The following SLC44A5 variants were observed in gnomAD, a reference collection of about 807,000 sequenced individuals.
The protein encoded by SLC44A5 is solute carrier family 44 member 5.
Under a neutral mutation model 101.8 loss-of-function variants are expected in SLC44A5, and 57 were observed. The ratio of observed to expected loss-of-function variants is 0.56; its 90% confidence interval spans 0.45 to 0.70. The LOEUF (loss-of-function observed/expected upper bound fraction) is 0.70. Among genes scored for constraint, SLC44A5 ranks in the 30% least tolerant of loss-of-function variants. SLC44A5 has a pLI of 0.00. For missense variants in SLC44A5, 737 were observed against 853.1 expected (o/e 0.86, Z 1.70); for synonymous variants, 281 against 290.9 (o/e 0.97, Z 0.35).
intron 1 of SLC44A5, among the ~76,000 whole-genome samples, chr1:75,568,784 A>C (rs1319469041): frequency 6.6e-6 from 1 of 152,150 alleles, no homozygotes; most frequent in Non-Finnish European, 1.5e-5. Flanking sequence ...CCTAAAGCAC[A>C]ACGTTTTCTC....
chr1:75,592,280 C>G (rs961521454), intron 1 of SLC44A5, among the ~76,000 whole-genome samples: 1 of 151,858 alleles, frequency 6.6e-6, no homozygotes, highest in Non-Finnish European at 1.5e-5. Context: ...ATAATAGCCA[C>G]ACATAAAATT....
chr1:75,429,774 T>A (rs1047926882), intron 2 of SLC44A5, among the ~76,000 whole-genome samples: 18 of 151,892 alleles, frequency 1.2e-4, no homozygotes, highest in Admixed American at 9.8e-4. Context: ...GAACTCAGAG[T>A]GAGAACTCAC....
At chr1:75,312,629 C>A (rs1655395411) in intron 4 of SLC44A5, among the ~76,000 whole-genome samples, 2 of 151,604 alleles carry the variant, frequency 1.3e-5, no homozygotes, top group Non-Finnish European at 2.9e-5. Flanking sequence ...CACTCCAGAA[C>A]TATGTGCCAA....
chr1:75,705,559 T>A, the SLC44A5 span, among the ~76,000 whole-genome samples: 2 of 152,224 alleles, frequency 1.3e-5, no homozygotes, highest in Non-Finnish European at 2.9e-5. Flanking sequence ...CTGATTTTTT[T>A]AAATATTCAC....
At chr1:75,509,083 G>A (rs1669425882) in intron 2 of SLC44A5, among the ~76,000 whole-genome samples, 1 of 152,220 alleles carries the variant, frequency 6.6e-6, no homozygotes, top group Admixed American at 6.5e-5. Flanking sequence ...ACTGGCATGG[G>A]CCTTCAGAAG....
the SLC44A5 span, among the ~76,000 whole-genome samples, chr1:75,680,301 G>A: frequency 6.6e-6 from 1 of 151,754 alleles, no homozygotes; most frequent in South Asian, 2.1e-4. Flanking sequence ...CAAATCAACA[G>A]AATATACATT....
chr1:75,641,752 G>C, the SLC44A5 span: 6 of 1,581,232 alleles, frequency 3.8e-6, no homozygotes, highest in Non-Finnish European at 5.2e-6. Flanking sequence ...GTTTTGCATA[G>C]GCAACCACTT....
chr1:75,388,618 A>T (rs1452240450), intron 3 of SLC44A5, among the ~76,000 whole-genome samples: 2 of 152,068 alleles, frequency 1.3e-5, no homozygotes, highest in Admixed American at 6.5e-5. Flanking sequence ...GTCTCTACTA[A>T]TAATACAAAA....
the SLC44A5 span, among the ~76,000 whole-genome samples, chr1:75,646,570 C>A: frequency 6.6e-6 from 1 of 152,070 alleles, no homozygotes; most frequent in African/African-American, 2.4e-5. Context: ...TTGTAATCCC[C>A]ACATGTTGCA....
intron 1 of SLC44A5, among the ~76,000 whole-genome samples, chr1:75,553,249 C>A (rs1296139775): frequency 1.3e-5 from 2 of 152,148 alleles, no homozygotes; most frequent in Admixed American, 1.3e-4. Context: ...GGGAGCCAGC[C>A]ACTATGCTAG....
At chr1:75,306,682 G>A (rs903869745) in intron 4 of SLC44A5, among the ~76,000 whole-genome samples, 1 of 150,644 alleles carries the variant, frequency 6.6e-6, no homozygotes, top group African/African-American at 2.4e-5. Flanking sequence ...TCCTTTTCAG[G>A]GACAGCTTTC....
the SLC44A5 span, among the ~76,000 whole-genome samples, chr1:75,718,076 G>A: frequency 6.6e-5 from 10 of 152,140 alleles, no homozygotes; most frequent in South Asian, 2.1e-4. Flanking sequence ...ATAGGATTAT[G>A]AAAGTTAAAA....
In SLC44A5 at chr1:75,219,773, T is replaced by A. The variant is rs546426768; in HGVS notation, c.1178+27A>T. The A allele has an allele frequency of 3.0e-5, 45 of 1,507,196 alleles. No homozygotes were observed. The East Asian group carries it at 1.0e-3, about 33-fold the overall frequency. The allele number at this position is 1,507,196 out of a possible 1,614,324, so 93.4% of individuals were successfully genotyped here. A position where few individuals can be genotyped will look rare whatever the true frequency, so the allele number is the denominator to read the frequency against. On this transcript the variant is annotated intron_variant, in intron 15 of 23. Transcript: ENST00000370859. ...ACGAGTAGTCATGTGAACCTGAGGT[T>A]TAAAGAGGCCAATTACCAAAGGATA...
At chr1:75,221,453 G>A (rs1385096326) in intron 14 of SLC44A5, among the ~76,000 whole-genome samples, 1 of 152,120 alleles carries the variant, frequency 6.6e-6, no homozygotes, top group Non-Finnish European at 1.5e-5. Flanking sequence ...GAAAGATTTA[G>A]TGTTTATTTT....
At chr1:75,635,654 T>G in the SLC44A5 span, among the ~76,000 whole-genome samples, 2 of 71,968 alleles carry the variant, frequency 2.8e-5, no homozygotes, top group Non-Finnish European at 5.2e-5. Flanking sequence ...TGGGGACTGT[T>G]GTGGGGTGGG....
intron 3 of SLC44A5, among the ~76,000 whole-genome samples, chr1:75,356,939 A>G (rs762528335): frequency 1.1e-4 from 17 of 152,230 alleles, no homozygotes; most frequent in Non-Finnish European, 2.4e-4. Context: ...CTAGGTGTGT[A>G]GTAGGCTATA....
the SLC44A5 span, among the ~76,000 whole-genome samples, chr1:75,672,292 G>A: frequency 6.6e-6 from 1 of 152,112 alleles, no homozygotes; most frequent in Non-Finnish European, 1.5e-5. Context: ...TGTACTTTGG[G>A]GAGGGAAAGC....
In SLC44A5 at chr1:75,494,162, C is replaced by T. The variant is rs1405194501; in HGVS notation, c.13+47273G>A. Among the ~76,000 whole-genome samples, 3 of 152,170 alleles carry T rather than the reference C, an allele frequency of 2.0e-5. No individual in the cohort carries two copies. The East Asian group carries it at 5.8e-4, about 29-fold the overall frequency. On this transcript the variant is annotated intron_variant, in intron 2 of 23. Transcript: ENST00000370859. ...GTCTCTTTGCCTTTCTGTTTTCTGC[C>T]ATGTGGTGACACAGCAGGAATGCCT... is the stretch of plus-strand genomic sequence containing the variant.
chr1:75,226,392 T>C (rs187247557), intron 13 of SLC44A5, among the ~76,000 whole-genome samples: 6 of 152,312 alleles, frequency 3.9e-5, no homozygotes, highest in Non-Finnish European at 5.9e-5. Context: ...AAATAGCTTC[T>C]GATTGGTAAT....
Sources: gnomAD v4.1 joint callset for allele counts (sites outside exome capture counted in the v4.1 genomes callset) on GRCh38, gnomAD v4.1.1 for gene constraint, MANE v1.5 for transcripts, NCBI Gene and HGNC (gene_info 2026-07-23, HGNC 2026-07-21) for gene names.